BRD10: variants seen among roughly 807,000 people sequenced by gnomAD.
BRD10 encodes uncharacterized bromodomain-containing protein 10.
At chr9:5,978,561 A>C in the BRD10 span, among the ~76,000 whole-genome samples, 1 of 152,176 alleles carries the variant, frequency 6.6e-6, no homozygotes, top group African/African-American at 2.4e-5. Context: ...CAACCTTCTT[A>C]TTTATCTGAC....
At chr9:5,908,238 A>C in the BRD10 span, among the ~76,000 whole-genome samples, 2 of 152,212 alleles carry the variant, frequency 1.3e-5, no homozygotes, top group African/African-American at 2.4e-5. Flanking sequence ...TTCTGGATAC[A>C]ATATCCTCTT....
the BRD10 span, among the ~76,000 whole-genome samples, chr9:5,936,077 C>T: frequency 2.0e-5 from 3 of 151,976 alleles, no homozygotes; most frequent in South Asian, 2.1e-4. Context: ...ATTCATTAGC[C>T]GGGCATGGGG....
the BRD10 span, among the ~76,000 whole-genome samples, chr9:5,940,265 C>T: frequency 1.4e-4 from 22 of 152,320 alleles, no homozygotes; most frequent in South Asian, 3.7e-3. Flanking sequence ...GCGATCTTGG[C>T]TCACTGCAGC....
chr9:5,915,927 A>G, the BRD10 span, among the ~76,000 whole-genome samples: 1 of 152,202 alleles, frequency 6.6e-6, no homozygotes, highest in Non-Finnish European at 1.5e-5. Context: ...AAAGTAATTA[A>G]GATGATTACA....
the BRD10 span, chr9:5,988,398 T>C: frequency 5.6e-6 from 9 of 1,613,970 alleles, no homozygotes; most frequent in Non-Finnish European, 7.6e-6. Context: ...CTTGAACCAT[T>C]ATAGATTCAA....
chr9:5,918,739 G>A, the BRD10 span, among the ~76,000 whole-genome samples: 1 of 148,090 alleles, frequency 6.8e-6, no homozygotes. Flanking sequence ...GTGGGAGGAT[G>A]GCTTGAGCTC....
chr9:5,945,518 A>G, the BRD10 span, among the ~76,000 whole-genome samples: 4 of 152,160 alleles, frequency 2.6e-5, no homozygotes, highest in African/African-American at 9.6e-5. Flanking sequence ...TCAGTTTAGT[A>G]GTCTTTAATA....
At chr9:5,998,844 A>T in the BRD10 span, among the ~76,000 whole-genome samples, 1 of 152,060 alleles carries the variant, frequency 6.6e-6, no homozygotes, top group South Asian at 2.1e-4. Context: ...CTAGCGTACT[A>T]GAATTGTACG....
chr9:5,936,336 CAG>C, the BRD10 span, among the ~76,000 whole-genome samples: 4 of 152,138 alleles, frequency 2.6e-5, no homozygotes, highest in African/African-American at 9.7e-5. Flanking sequence ...GCCTGGGTGA[CAG>C]AGTGAGACCC....
the BRD10 span, among the ~76,000 whole-genome samples, chr9:5,973,819 T>A: frequency 6.6e-6 from 1 of 152,064 alleles, no homozygotes; most frequent in African/African-American, 2.4e-5. Flanking sequence ...GAGGTCAAGG[T>A]TGCAGTGAGC....
At chr9:6,007,122 G>A in the BRD10 span, 84,922 of 1,480,838 alleles carry the variant, frequency 0.057, 2,711 homozygotes, top group Middle Eastern at 0.085. Flanking sequence ...CCCTGGCCCA[G>A]CCCATCCTCG....
chr9:5,897,536 T>C, the BRD10 span: 5 of 1,603,678 alleles, frequency 3.1e-6, no homozygotes, highest in African/African-American at 2.7e-5. Context: ...ACAAAGTGGA[T>C]TTGTCTATCT....
chr9:5,981,647 T>A, the BRD10 span, among the ~76,000 whole-genome samples: 126,209 of 150,764 alleles, frequency 0.84, 54,782 homozygotes, highest in South Asian at 0.9. Context: ...TATCTATCTA[T>A]TTTAATCTAT....
the BRD10 span, among the ~76,000 whole-genome samples, chr9:5,987,751 CT>C: frequency 6.6e-6 from 1 of 152,160 alleles, no homozygotes; most frequent in Non-Finnish European, 1.5e-5. Flanking sequence ...AATAACTAGT[CT>C]TTTTGTTTGT....
chr9:5,906,851 C>T, the BRD10 span: 2 of 1,357,388 alleles, frequency 1.5e-6, no homozygotes, highest in Non-Finnish European at 2.0e-6. Context: ...GTTACTTCTT[C>T]TCACCCACTC....
the BRD10 span, among the ~76,000 whole-genome samples, chr9:5,938,462 A>C: frequency 2.6e-5 from 4 of 152,192 alleles, no homozygotes; most frequent in African/African-American, 4.8e-5. Context: ...AATAATAAAA[A>C]TAAATTAAAA....
chr9:5,919,596 G>T, the BRD10 span: 9 of 661,652 alleles, frequency 1.4e-5, no homozygotes, highest in Non-Finnish European at 1.6e-5. Flanking sequence ...TGTATAGTAT[G>T]CTTTCAACAG....
chr9:5,937,964 T>C, the BRD10 span, among the ~76,000 whole-genome samples: 1 of 152,230 alleles, frequency 6.6e-6, no homozygotes, highest in Non-Finnish European at 1.5e-5. Flanking sequence ...TTTTCATTAT[T>C]ATTCTGAACA....
chr9:5,896,583 G>C, the BRD10 span, among the ~76,000 whole-genome samples: 1 of 152,232 alleles, frequency 6.6e-6, no homozygotes. Context: ...TCTCTTGTAA[G>C]TCACTCAGCT....
Sources: gnomAD v4.1 joint callset for allele counts (sites outside exome capture counted in the v4.1 genomes callset) on GRCh38, gnomAD v4.1.1 for gene constraint, MANE v1.5 for transcripts, NCBI Gene and HGNC (gene_info 2026-07-23, HGNC 2026-07-21) for gene names.